Variants in ERICH3 observed in about 807,000 individuals in gnomAD.
ERICH3 encodes the protein glutamate rich 3, also known as glutamate-rich protein 3.
ERICH3 carries 126 observed loss-of-function variants against 131.1 expected under a neutral mutation model. The observed-to-expected ratio is 0.96, with a 90% confidence interval of 0.83 to 1.11. The LOEUF (loss-of-function observed/expected upper bound fraction) is 1.11, where lower values mean the gene tolerates loss of function less well. ERICH3 is among the 50% of genes most tolerant of loss of function. ERICH3 has a pLI of 0.00. For missense variants in ERICH3, 2,050 were observed against 1,810.7 expected, an observed-to-expected ratio of 1.13 and a Z score of -2.40; for synonymous variants, 695 against 644.6, an observed-to-expected ratio of 1.08 and a Z score of -1.18.
intron 2 of ERICH3, among the ~76,000 whole-genome samples, chr1:74,647,057 A>G (rs1339668648): frequency 6.6e-6 from 1 of 152,036 alleles, no homozygotes; most frequent in Non-Finnish European, 1.5e-5. Flanking sequence ...TGGTTGATCA[A>G]CTTTCACTTT....
At position 74,571,300 on chromosome 1, in the gene ERICH3, T is replaced by A. The variant is rs755968415; in HGVS notation, c.4410A>T (p.Ala1470=). 1 of 1,614,126 alleles carries A rather than the reference T, an allele frequency of 6.2e-7. No individual in the cohort carries two copies. Residue 1470 remains alanine (A), a synonymous_variant, in exon 14 of 15, where the codon GCA becomes GCT. Transcript: ENST00000326665. ...GSGDGRQETG[A]AEKFRLGLSR... is the part of the protein sequence containing the mutation. ...ATAATCCTAATCGGAATTTTTCAGC[T>A]GCTCCTGTCTCCTGCCTCCCATCGC...
At chr1:74,617,637 A>G (rs556783723) in intron 8 of ERICH3, among the ~76,000 whole-genome samples, 1 of 152,352 alleles carries the variant, frequency 6.6e-6, no homozygotes, top group Admixed American at 6.5e-5. Context: ...TGTCCAGAAA[A>G]GAAAATCTGT....
intron 7 of ERICH3, chr1:74,621,659 T>G (rs72984978): frequency 6.6e-6 from 1 of 152,346 alleles, no homozygotes; most frequent in African/African-American, 2.4e-5. Flanking sequence ...TTTAAATTAT[T>G]TATAAAATAT....
intron 11 of ERICH3, among the ~76,000 whole-genome samples, chr1:74,593,315 C>G (rs1178494376): frequency 6.6e-6 from 1 of 152,062 alleles, no homozygotes; most frequent in Non-Finnish European, 1.5e-5. Context: ...TCTTGTTTGA[C>G]ACAGCATGAG....
At chr1:74,642,609 G>A (rs533232458) in intron 4 of ERICH3, among the ~76,000 whole-genome samples, 5 of 152,098 alleles carry the variant, frequency 3.3e-5, no homozygotes, top group South Asian at 2.1e-4. Flanking sequence ...CCTTTCCACC[G>A]TATATTTCCA....
chr1:74,579,829 C>T, intron 12 of ERICH3: 1 of 985,146 alleles, frequency 1.0e-6, no homozygotes, highest in Middle Eastern at 5.2e-4. Flanking sequence ...AAGGTGACCA[C>T]TGGAGGCAAA....
At chr1:74,657,061 T>A (rs895510450) in intron 1 of ERICH3, among the ~76,000 whole-genome samples, 1 of 152,194 alleles carries the variant, frequency 6.6e-6, no homozygotes, top group African/African-American at 2.4e-5. Flanking sequence ...TTGACATATA[T>A]CCTTTTTTAA....
At position 74,573,137 on chromosome 1, in the gene ERICH3, G is replaced by A. The variant is rs778167980; in HGVS notation, c.2573C>T (p.Pro858Leu). 6.2e-7 allele frequency: 1 copy of A among 1,613,342 alleles called. No individual in the cohort carries two copies. The highest frequency in any genetic ancestry group is 8.5e-7 in the Non-Finnish European group (1 of 1,179,708). ...VRRLGEGGSD[P>L]IGQAAAKDAV... Reference sequence around the variant, plus strand: ...ATCTTTTGCTGCTGCTTGTCCTATGGGGTCTGACCCCCCTTCACCCAGCCT... The same window carrying A: ...ATCTTTTGCTGCTGCTTGTCCTATGAGGTCTGACCCCCCTTCACCCAGCCT... The change falls in exon 14 of 15, where the codon CCC (proline) becomes CTC (leucine). Residue 858 changes from proline (P) to leucine (L), a missense_variant. Pro to Leu is a moderately conservative substitution (Grantham distance 98). Coordinates refer to ENST00000326665, the MANE Select transcript of ERICH3 (RefSeq NM_001002912.5).
At chr1:74,641,670 C>A (rs1483209603) in intron 4 of ERICH3, among the ~76,000 whole-genome samples, 1 of 151,996 alleles carries the variant, frequency 6.6e-6, no homozygotes, top group Non-Finnish European at 1.5e-5. Flanking sequence ...AGCAGTGTAT[C>A]CTCCATTTTA....
chr1:74,667,890 T>C (rs1236030155), intron 1 of ERICH3, among the ~76,000 whole-genome samples: 2 of 152,074 alleles, frequency 1.3e-5, no homozygotes, highest in African/African-American at 2.4e-5. Flanking sequence ...TAGGAGGTGA[T>C]TGGATTATGG....
chr1:74,571,444 T>A lies in ERICH3; in HGVS notation c.4266A>T (p.Thr1422=). 6.2e-7 allele frequency: 1 copy of A among 1,614,046 alleles called. No individual in the cohort carries two copies. Among genetic ancestry groups the A allele is most frequent in the African/African-American group, 1.3e-5 (1 of 75,002 alleles). The change falls in exon 14 of 15, where the codon ACA becomes ACT. Residue 1422 remains threonine (T), a synonymous_variant. Transcript: ENST00000326665. The stretch of plus-strand genomic sequence containing the variant: ...CCCCAGCCTCTGTTGTATATGTCAC[T>A]GTCATCTCCTCTGCTGCTGGCACTT... The part of the protein sequence containing the change: ...GEEVPAAEEM[T]VTYTTEAGVG...
At chr1:74,617,999 A>G (rs915302366) in intron 8 of ERICH3, among the ~76,000 whole-genome samples, 3 of 152,156 alleles carry the variant, frequency 2.0e-5, no homozygotes, top group African/African-American at 7.2e-5. Context: ...GTTTGAGACC[A>G]GACTGGGCAA....
intron 12 of ERICH3, chr1:74,586,595 T>C (rs1390109460): frequency 6.0e-6 from 4 of 664,154 alleles, no homozygotes; most frequent in South Asian, 6.8e-5. Context: ...ATTATACTTA[T>C]TGAAATTTAT....
intron 11 of ERICH3, chr1:74,592,295 C>T (rs1446517360): frequency 6.6e-6 from 1 of 152,132 alleles, no homozygotes. Context: ...TGCCATCTCT[C>T]TGGTAGAAAA....
intron 7 of ERICH3, 123 bp downstream of exon 7, chr1:74,631,590 T>A: frequency 1.3e-6 from 1 of 769,784 alleles, no homozygotes; most frequent in Non-Finnish European, 2.1e-6. Context: ...TAAAATTGTA[T>A]TTCTTTACAC....
chr1:74,579,666 T>C, intron 12 of ERICH3: 2 of 985,232 alleles, frequency 2.0e-6, no homozygotes, highest in Non-Finnish European at 2.4e-6. Flanking sequence ...AAGCAAGAAC[T>C]TGGCTGGTGT....
At chr1:74,591,079 CAGTA>C (rs1647577927) in intron 11 of ERICH3, among the ~76,000 whole-genome samples, 1 of 152,100 alleles carries the variant, frequency 6.6e-6, no homozygotes, top group Non-Finnish European at 1.5e-5. Flanking sequence ...TATATGGACA[CAGTA>C]AGATCTGTGT....
At chr1:74,657,081 G>A (rs1320492649) in intron 1 of ERICH3, among the ~76,000 whole-genome samples, 1 of 152,170 alleles carries the variant, frequency 6.6e-6, no homozygotes, top group Non-Finnish European at 1.5e-5. Flanking sequence ...AAATCCACAT[G>A]TGAGGATAAT....
intron 1 of ERICH3, among the ~76,000 whole-genome samples, chr1:74,655,174 G>A (rs1397828441): frequency 6.6e-6 from 1 of 152,098 alleles, no homozygotes; most frequent in Non-Finnish European, 1.5e-5. Context: ...TGTTTGAAGA[G>A]ATATTAAAAA....
Sources: allele counts gnomAD v4.1 joint callset (sites outside exome capture counted in the v4.1 genomes callset), GRCh38; gene constraint gnomAD v4.1.1; transcripts MANE v1.5; gene names NCBI Gene and HGNC (gene_info 2026-07-23, HGNC 2026-07-21).